Variants in CPEB1 observed in about 807,000 individuals in gnomAD.
CPEB1 encodes cytoplasmic polyadenylation element-binding protein 1.
Under a neutral mutation model 65.8 loss-of-function variants are expected in CPEB1, and 7 were observed. The observed-to-expected ratio is 0.11, with a 90% CI of 0.06 to 0.20. The LOEUF (loss-of-function observed/expected upper bound fraction) is 0.20, where lower values mean the gene tolerates loss of function less well. Ranked by LOEUF, CPEB1 falls within the 10% of genes least tolerant of loss-of-function variation. The pLI, the probability that CPEB1 is intolerant of heterozygous loss-of-function variation, is 1.00. For synonymous variants in CPEB1, 262 were observed against 260.0 expected, an observed-to-expected ratio of 1.01 and a Z score of -0.08; for missense variants, 551 against 712.2, an observed-to-expected ratio of 0.77 and a Z score of 2.58.
At chr15:82,625,079 T>C (rs575080448) in intron 3 of CPEB1, among the ~76,000 whole-genome samples, 3 of 152,216 alleles carry the variant, frequency 2.0e-5, no homozygotes, top group African/African-American at 7.2e-5. Flanking sequence ...GTGATCCACC[T>C]GCTCCAGCCT....
At chr15:82,647,559 C>T (rs1249802162), upstream of CPEB1, 4 of 304,856 alleles carry the variant, frequency 1.3e-5, no homozygotes, top group African/African-American at 8.8e-5. Context: ...TCTGGACAGA[C>T]GCTCGAGGCC....
chr15:82,579,276 C>T (rs2040982300), intron 3 of CPEB1, among the ~76,000 whole-genome samples: 1 of 152,130 alleles, frequency 6.6e-6, no homozygotes, highest in Non-Finnish European at 1.5e-5. Context: ...GCCTGGGCAA[C>T]ACAGGGAGAC....
At chr15:82,631,461 C>G (rs2046238846) in intron 1 of CPEB1, among the ~76,000 whole-genome samples, 1 of 151,766 alleles carries the variant, frequency 6.6e-6, no homozygotes, top group African/African-American at 2.4e-5. Flanking sequence ...AGATGGCGAA[C>G]AGATCTACTA....
Position 82,614,251 on chromosome 15 carries a change from C to T in CPEB1, c.271+12942G>A, listed in dbSNP as rs1421637800. Among the ~76,000 whole-genome samples, 6 of 152,222 alleles carry T rather than the reference C, an allele frequency of 3.9e-5. No individual in the cohort carries two copies. In the South Asian group the frequency reaches 1.0e-3, roughly 26 times the overall value. On this transcript the variant is annotated intron_variant, in intron 3 of 12. Coordinates refer to ENST00000684509, the MANE Select transcript of CPEB1 (RefSeq NM_001365242.1). ...AACTCCTGGGCTCAAGTGACCCTCT[C>T]ACCTTAACCTCCCAAAGTGCTGGGA...
At chr15:82,566,281 A>T (rs2039108015) in intron 4 of CPEB1, among the ~76,000 whole-genome samples, 1 of 152,164 alleles carries the variant, frequency 6.6e-6, no homozygotes, top group African/African-American at 2.4e-5. Context: ...ATCTAATGGG[A>T]ATAGTCTAAT....
chr15:82,589,871 A>AT (rs1330060370), intron 3 of CPEB1, among the ~76,000 whole-genome samples: 1 of 152,240 alleles, frequency 6.6e-6, no homozygotes, highest in East Asian at 1.9e-4. Context: ...ACAATACAGT[A>AT]TAACTATTTA....
At chr15:82,553,608 T>C in intron 7 of CPEB1, 52 bp from the exon 8 acceptor site, 4 of 1,335,214 alleles carry the variant, frequency 3.0e-6, no homozygotes, top group Non-Finnish European at 4.3e-6. Flanking sequence ...TCTTTCCCAG[T>C]AAAGACACAA....
chr15:82,617,993 A>G (rs899182663), intron 3 of CPEB1, among the ~76,000 whole-genome samples: 8 of 151,860 alleles, frequency 5.3e-5, no homozygotes, highest in African/African-American at 1.9e-4. Context: ...TCGGCCTCCC[A>G]AAGTGCTGGG....
At chr15:82,547,842 T>G (rs2035527819) in intron 10 of CPEB1, among the ~76,000 whole-genome samples, 1 of 151,994 alleles carries the variant, frequency 6.6e-6, no homozygotes. Context: ...TGGCTAATTT[T>G]TGTATTTTTT....
intron 3 of CPEB1, among the ~76,000 whole-genome samples, chr15:82,617,437 C>G (rs1013641472): frequency 6.6e-6 from 1 of 151,986 alleles, no homozygotes; most frequent in African/African-American, 2.4e-5. Flanking sequence ...TCAACATAAT[C>G]GAAAATAAGG....
intron 1 of CPEB1, among the ~76,000 whole-genome samples, chr15:82,645,177 GA>G (rs1490099931): frequency 1.3e-5 from 2 of 152,192 alleles, no homozygotes; most frequent in African/African-American, 4.8e-5. Flanking sequence ...TTTTTGAGAC[GA>G]AGTCTCGCTC....
chr15:82,563,805 T>A (rs1458127236), intron 4 of CPEB1, among the ~76,000 whole-genome samples: 2 of 152,130 alleles, frequency 1.3e-5, no homozygotes, highest in African/African-American at 4.8e-5. Context: ...TTGTATAACT[T>A]CTATAAATTT....
At chr15:82,607,378 A>C (rs2043720453) in intron 3 of CPEB1, among the ~76,000 whole-genome samples, 1 of 152,200 alleles carries the variant, frequency 6.6e-6, no homozygotes, top group Non-Finnish European at 1.5e-5. Flanking sequence ...ACCTGAGGTC[A>C]GGAGTTCGAG....
intron 3 of CPEB1, among the ~76,000 whole-genome samples, chr15:82,599,021 T>G (rs1403893760): frequency 2.6e-5 from 4 of 152,130 alleles, no homozygotes; most frequent in Non-Finnish European, 4.4e-5. Flanking sequence ...GAACAAAGTT[T>G]TAAAATAAAT....
intron 3 of CPEB1, among the ~76,000 whole-genome samples, chr15:82,609,608 T>A: frequency 6.7e-6 from 1 of 149,756 alleles, no homozygotes. Context: ...GCAACAAAGA[T>A]TAAAGTCGAA....
intron 3 of CPEB1, among the ~76,000 whole-genome samples, chr15:82,589,934 T>C (rs768055236): frequency 2.6e-5 from 4 of 152,202 alleles, no homozygotes; most frequent in Non-Finnish European, 5.9e-5. Context: ...AAGGAGGACA[T>C]GCATGGGTTA....
intron 1 of CPEB1, among the ~76,000 whole-genome samples, chr15:82,630,417 C>T (rs1196553707): frequency 1.3e-5 from 2 of 152,086 alleles, no homozygotes; most frequent in Non-Finnish European, 2.9e-5. Context: ...CCAGCCTGGG[C>T]AACATGGCGA....
At chr15:82,590,688 T>C (rs182891402) in intron 3 of CPEB1, among the ~76,000 whole-genome samples, 2 of 152,274 alleles carry the variant, frequency 1.3e-5, no homozygotes, top group East Asian at 3.9e-4. Context: ...CACCCTCAAA[T>C]GGGCACCAGT....
intron 9 of CPEB1, 65 bp downstream of exon 9, chr15:82,552,415 C>A (rs2036429430): frequency 6.8e-7 from 1 of 1,474,606 alleles, no homozygotes; most frequent in African/African-American, 1.5e-5. Flanking sequence ...CCACCTACCA[C>A]AAGAAAATCC....
Sources: gnomAD v4.1 joint callset for allele counts (sites outside exome capture counted in the v4.1 genomes callset) on GRCh38, gnomAD v4.1.1 for gene constraint, MANE v1.5 for transcripts, NCBI Gene and HGNC (gene_info 2026-07-23, HGNC 2026-07-21) for gene names.